The following NKAIN2 variants were observed in gnomAD, a reference collection of about 807,000 sequenced individuals.
NKAIN2 encodes the protein sodium/potassium transporting ATPase interacting 2.
NKAIN2 carries 14 observed loss-of-function variants against 32.6 expected under a neutral mutation model. That is an observed-to-expected ratio of 0.43 (90% CI 0.28 to 0.67). The LOEUF is 0.67. Ranked by LOEUF, NKAIN2 falls within the 30% of genes least tolerant of loss-of-function variation. NKAIN2 has a pLI of 0.17. For missense variants in NKAIN2, 198 were observed against 258.3 expected (o/e 0.77, Z 1.60); for synonymous variants, 80 against 87.2 (o/e 0.92, Z 0.46).
chr6:124,257,447 T>C (rs1794003518), intron 1 of NKAIN2, among the ~76,000 whole-genome samples: 1 of 152,218 alleles, frequency 6.6e-6, no homozygotes, highest in Admixed American at 6.5e-5. Flanking sequence ...TTGCCCCATA[T>C]TTTCTGAACA....
chr6:124,158,472 G>A (rs142198117), intron 1 of NKAIN2, among the ~76,000 whole-genome samples: 5 of 152,148 alleles, frequency 3.3e-5, no homozygotes, highest in Non-Finnish European at 7.3e-5. Flanking sequence ...ATGACAGTAT[G>A]CCAGAAAATT....
intron 1 of NKAIN2, among the ~76,000 whole-genome samples, chr6:123,809,801 C>G (rs1457909880): frequency 6.6e-6 from 1 of 152,008 alleles, no homozygotes; most frequent in African/African-American, 2.4e-5. Flanking sequence ...GGTATAGACT[C>G]TTTTTGTTTT....
At chr6:124,078,063 T>G (rs1242193922) in intron 1 of NKAIN2, among the ~76,000 whole-genome samples, 1 of 152,218 alleles carries the variant, frequency 6.6e-6, no homozygotes. Flanking sequence ...AATTTCATTT[T>G]CATTTAGGAT....
chr6:124,139,747 C>G (rs1242610732), intron 1 of NKAIN2, among the ~76,000 whole-genome samples: 1 of 152,082 alleles, frequency 6.6e-6, no homozygotes, highest in East Asian at 1.9e-4. Flanking sequence ...TACTTTAAAT[C>G]ATTTTCATGT....
chr6:124,473,523 G>A (rs1333388530), intron 3 of NKAIN2, among the ~76,000 whole-genome samples: 1 of 151,928 alleles, frequency 6.6e-6, no homozygotes, highest in Admixed American at 6.6e-5. Flanking sequence ...GGTTTATGTA[G>A]GCAAAGTCTT....
At chr6:124,811,437 A>G (rs1780900771) in intron 5 of NKAIN2, among the ~76,000 whole-genome samples, 1 of 152,196 alleles carries the variant, frequency 6.6e-6, no homozygotes, top group Non-Finnish European at 1.5e-5. Flanking sequence ...TCATGATTAA[A>G]AGGTTTAAAT....
At chr6:124,291,587 G>T (rs537608315) in intron 2 of NKAIN2, among the ~76,000 whole-genome samples, 2 of 151,906 alleles carry the variant, frequency 1.3e-5, no homozygotes, top group Non-Finnish European at 2.9e-5. Flanking sequence ...AAACCCCTCC[G>T]CAGGAATCTC....
In NKAIN2 at chr6:124,555,639, C is replaced by G. The variant is rs550588627; in HGVS notation, c.274-102547C>G. 3.3e-4 allele frequency among the ~76,000 whole-genome samples: 51 copies of G among 152,254 alleles called. No individual in the cohort carries two copies. The South Asian group carries it at 8.5e-3, about 25-fold the overall frequency. ...CCTTTCTTTGTTTCTCATTGTACTT[C>G]TGCTTCAAGTATCCCAGTTTTTCAA... On this transcript the variant is annotated intron_variant, in intron 3 of 6. Transcript: ENST00000368417.
At chr6:124,273,102 TTTGGGGCAC>T (rs1794872719) in intron 1 of NKAIN2, among the ~76,000 whole-genome samples, 1 of 152,194 alleles carries the variant, frequency 6.6e-6, no homozygotes, top group Non-Finnish European at 1.5e-5. Context: ...GAGTTAAGAC[TTTGGGGCAC>T]TGTTGGGAAG....
chr6:124,028,813 G>GTATA (rs992244846), intron 1 of NKAIN2, among the ~76,000 whole-genome samples: 3 of 141,124 alleles, frequency 2.1e-5, no homozygotes. Flanking sequence ...GTATATATAC[G>GTATA]TATATGTGTA....
At chr6:124,326,114 G>T (rs1261937802) in intron 2 of NKAIN2, among the ~76,000 whole-genome samples, 1 of 140,582 alleles carries the variant, frequency 7.1e-6, no homozygotes, top group African/African-American at 2.6e-5. Context: ...TTCTATTTTT[G>T]TTTGTTTATA....
intron 1 of NKAIN2, among the ~76,000 whole-genome samples, chr6:123,958,053 T>C (rs1777678471): frequency 6.6e-6 from 1 of 152,156 alleles, no homozygotes; most frequent in African/African-American, 2.4e-5. Flanking sequence ...TTGCTGCTAG[T>C]GTGTCTTCTG....
rs140817217 is a variant in NKAIN2, at chr6:124,160,966, A to G, written c.55-122039A>G. On this transcript the variant is annotated intron_variant, in intron 1 of 6. Transcript: ENST00000368417. ...GCCTTCTTAGATATAAAATTTCTAT[A>G]TATATAGATTGTGAACTGGAGCATT... is the stretch of plus-strand genomic sequence containing the variant. 7.8e-3 allele frequency among the ~76,000 whole-genome samples: 1,191 copies of G among 152,262 alleles called. 12 individuals are homozygous for G. The highest frequency in any genetic ancestry group is 0.027 in the African/African-American group (1,137 of 41,556).
chr6:124,729,557 T>C (rs62433663), intron 4 of NKAIN2, among the ~76,000 whole-genome samples: 7 of 151,624 alleles, frequency 4.6e-5, no homozygotes, highest in African/African-American at 1.7e-4. Context: ...TGGGACATAT[T>C]TCAAAATAAT....
chr6:123,871,804 A>G (rs1226105342), intron 1 of NKAIN2, among the ~76,000 whole-genome samples: 1 of 152,196 alleles, frequency 6.6e-6, no homozygotes, highest in African/African-American at 2.4e-5. Flanking sequence ...CATTTTATTT[A>G]ATTTAAAACA....
At chr6:124,523,529 A>G (rs1779201776) in intron 3 of NKAIN2, among the ~76,000 whole-genome samples, 1 of 152,186 alleles carries the variant, frequency 6.6e-6, no homozygotes, top group Admixed American at 6.5e-5. Flanking sequence ...AATGAAATAA[A>G]TATCACAGAC....
intron 1 of NKAIN2, among the ~76,000 whole-genome samples, chr6:123,918,803 G>A (rs1276367342): frequency 4.6e-5 from 7 of 152,070 alleles, no homozygotes; most frequent in East Asian, 1.9e-4. Flanking sequence ...TATCTCATTA[G>A]ACATAATGAG....
chr6:124,655,464 T>G (rs1365391479), intron 3 of NKAIN2, among the ~76,000 whole-genome samples: 1 of 152,168 alleles, frequency 6.6e-6, no homozygotes, highest in Admixed American at 6.6e-5. Context: ...CACTTCTGAT[T>G]ACCATAGCTC....
At chr6:124,745,980 T>C (rs777577457) in intron 4 of NKAIN2, among the ~76,000 whole-genome samples, 2 of 151,854 alleles carry the variant, frequency 1.3e-5, no homozygotes, top group Non-Finnish European at 2.9e-5. Context: ...CAGGTATCAA[T>C]GAGAATCAAA....
Sources: allele counts gnomAD v4.1 joint callset (sites outside exome capture counted in the v4.1 genomes callset), GRCh38; gene constraint gnomAD v4.1.1; transcripts MANE v1.5; gene names NCBI Gene and HGNC (gene_info 2026-07-23, HGNC 2026-07-21).